Variants in TAF4 observed in about 807,000 individuals in gnomAD.
TAF4 encodes transcription initiation factor TFIID subunit 4.
In TAF4, 9 loss-of-function variants were observed where a neutral mutation model predicts 90.3. The observed-to-expected ratio is 0.10, with a 90% confidence interval of 0.06 to 0.17. The LOEUF (loss-of-function observed/expected upper bound fraction) is 0.17, where lower values mean the gene tolerates loss of function less well. Ranked by LOEUF, TAF4 falls within the 10% of genes least tolerant of loss-of-function variation. The pLI is 1.00. For synonymous variants in TAF4, 818 were observed against 638.9 expected (o/e 1.28, Z -4.23); for missense variants, 1,351 against 1,370.7 (o/e 0.99, Z 0.23).
Position 62,064,986 on chromosome 20 carries a change from GGGGGGTGGC to G in TAF4, c.816_824del (p.Pro273_Pro275del). On this transcript the variant is annotated inframe_deletion, in exon 1 of 15. Transcript: ENST00000252996. ...GCGGCCGGGCCAGAGTGGCGGGCGC[GGGGGGTGGC>G]GGGGGCGGGGCGGCGGCGGGGGCGG... 3.8e-6 allele frequency: 1 copy of G among 263,966 alleles called. No individual in the cohort carries two copies. The highest frequency in any genetic ancestry group is 5.5e-6 in the Non-Finnish European group (1 of 180,720). 16.4% of individuals were successfully genotyped at this position (263,966 alleles called of 1,614,324 possible).
chr20:61,978,764 C>G (rs988968056), intron 14 of TAF4, among the ~76,000 whole-genome samples: 7 of 152,080 alleles, frequency 4.6e-5, no homozygotes, highest in African/African-American at 1.2e-4. Flanking sequence ...CTGAGGCCAC[C>G]CCCAGGGCCC....
chr20:62,021,945 T>C (rs963308779), intron 1 of TAF4, among the ~76,000 whole-genome samples: 1 of 151,782 alleles, frequency 6.6e-6, no homozygotes, highest in African/African-American at 2.4e-5. Context: ...GCAGGGCAGG[T>C]CCAAAGCCCG....
At chr20:62,059,888 C>A (rs2056080006) in intron 1 of TAF4, among the ~76,000 whole-genome samples, 1 of 152,254 alleles carries the variant, frequency 6.6e-6, no homozygotes, top group Admixed American at 6.5e-5. Context: ...TTGATCAACT[C>A]ACTTACAACC....
intron 1 of TAF4, among the ~76,000 whole-genome samples, chr20:62,034,827 C>CTTTTTTTTTTT (rs1555877004): frequency 7.1e-6 from 1 of 141,810 alleles, no homozygotes; most frequent in African/African-American, 2.6e-5. Context: ...TCATAGATTT[C>CTTTTTTTTTTT]TTTTTTTTTT....
intron 1 of TAF4, among the ~76,000 whole-genome samples, chr20:62,023,550 C>T (rs2055855779): frequency 1.3e-5 from 2 of 152,156 alleles, no homozygotes; most frequent in South Asian, 2.1e-4. Flanking sequence ...GAGTTCGAGA[C>T]CAGCCTGGCC....
At chr20:61,978,646 C>T (rs1443047149) in intron 14 of TAF4, among the ~76,000 whole-genome samples, 15 of 113,488 alleles carry the variant, frequency 1.3e-4, no homozygotes, top group Admixed American at 1.2e-3. Context: ...GAACCAAGGC[C>T]GAGGGCGAGA....
intron 1 of TAF4, among the ~76,000 whole-genome samples, chr20:62,048,980 TC>T (rs1280463700): frequency 1.3e-5 from 1 of 75,784 alleles, no homozygotes; most frequent in Non-Finnish European, 2.6e-5. Context: ...CCGGGCTCCA[TC>T]CCCCCCTGGG....
chr20:62,012,962 C>T (rs775808368), intron 2 of TAF4, 28 bp from the exon 3 acceptor site: 23 of 1,610,548 alleles, frequency 1.4e-5, no homozygotes, highest in Admixed American at 8.5e-5. Context: ...TCACCTAAAA[C>T]GAGCGCAAGT....
At chr20:62,052,094 G>A (rs1442898804) in intron 1 of TAF4, among the ~76,000 whole-genome samples, 1 of 152,148 alleles carries the variant, frequency 6.6e-6, no homozygotes. Flanking sequence ...CCGCAGCACA[G>A]CATGGCCACC....
In TAF4 at chr20:62,014,590, G is replaced by A. The variant is rs2055802523; in HGVS notation, c.1478C>T (p.Ala493Val). 2 of 1,613,866 alleles carry A rather than the reference G, an allele frequency of 1.2e-6. No individual in the cohort carries two copies. Among genetic ancestry groups the A allele is most frequent in the Non-Finnish European group, 1.7e-6 (2 of 1,179,946 alleles). Residue 493 changes from alanine to valine, a missense_variant, in exon 2 of 15, where the codon GCC (alanine) becomes GTC (valine). Around this residue, in one of 9 missense-constraint regions of TAF4, gnomAD observed 143 missense variants for 176.3 expected, o/e 0.81. Transcript: ENST00000252996. The stretch of plus-strand genomic sequence containing the variant: ...GACGGGAGGGGCACTTGTGGGGGTG[G>A]CAGGGCGAGGCGCCATGGTGGTCTG... ...QPQTTMAPRP[A>V]TPTSAPPVQI...
intron 14 of TAF4, among the ~76,000 whole-genome samples, chr20:61,982,248 C>T (rs74217433): frequency 2.3e-3 from 323 of 141,778 alleles, no homozygotes; most frequent in Non-Finnish European, 3.2e-3. Flanking sequence ...AACACCAAAC[C>T]CACACCTACC....
At chr20:61,995,553 A>T (rs2055657965) in intron 14 of TAF4, among the ~76,000 whole-genome samples, 1 of 152,180 alleles carries the variant, frequency 6.6e-6, no homozygotes, top group African/African-American at 2.4e-5. Flanking sequence ...AGCAGAAGAA[A>T]GTAAGATTGA....
intron 9 of TAF4, 84 bp downstream of exon 9, chr20:62,003,076 G>C: frequency 8.3e-7 from 1 of 1,211,992 alleles, no homozygotes; most frequent in Non-Finnish European, 1.2e-6. Context: ...GGAAAGACCC[G>C]TGGGCGGGAA....
chr20:61,991,696 T>C (rs1229908105), intron 14 of TAF4, among the ~76,000 whole-genome samples: 3 of 150,242 alleles, frequency 2.0e-5, no homozygotes, highest in Non-Finnish European at 3.0e-5. Context: ...ACGTGGAAAA[T>C]GGGACTCTCT....
rs565237042 is a variant in TAF4 at position 62,000,107 on chromosome 20, G to T, written c.2787+17C>A. 1.9e-6 allele frequency: 3 copies of T among 1,614,114 alleles called. No homozygotes were observed. Among genetic ancestry groups the T allele is most frequent in the East Asian group, 2.2e-5 (1 of 44,878 alleles). ...CCAACAACATAAAGACGCTCTCCTC[G>T]GCAAACAGCCTGTTACCTTGTAAGA... is the stretch of plus-strand genomic sequence containing the variant. On this transcript the variant is annotated intron_variant, in intron 11 of 14. Coordinates refer to ENST00000252996, the MANE Select transcript of TAF4 (RefSeq NM_003185.4).
chr20:62,027,678 A>C (rs2055882324), intron 1 of TAF4, among the ~76,000 whole-genome samples: 1 of 152,230 alleles, frequency 6.6e-6, no homozygotes, highest in Non-Finnish European at 1.5e-5. Context: ...ACCTTGGCAA[A>C]TAATTAATTT....
rs1886009 is a variant in TAF4, at chr20:62,064,827, T to A, written c.984A>T (p.Gln328His). 1.1e-5 allele frequency: 11 copies of A among 976,980 alleles called. No homozygotes were observed. Among genetic ancestry groups the A allele is most frequent in the East Asian group, 1.2e-4 (1 of 8,366 alleles). 60.5% of individuals were successfully genotyped at this position (976,980 alleles called of 1,614,324 possible). A position where few individuals can be genotyped will look rare whatever the true frequency, so the allele number is the denominator to read the frequency against. Residue 328 changes from glutamine (Q) to histidine (H), a missense_variant, in exon 1 of 15, where the codon CAA becomes CAT. Around this residue, in one of 9 missense-constraint regions of TAF4, gnomAD observed 782 missense variants for 536.6 expected, o/e 1.46. Transcript: ENST00000252996. ...AAGGPAGVSG[Q>H]PGPGAAAAAP... ...CCGCAGCCGCCGCGCCGGGCCCGGG[T>A]TGGCCGCTGACCCCCGCGGGGCCCC...
At position 62,023,770 on chromosome 20, in the gene TAF4, AG is replaced by A. The variant is rs375676966; in HGVS notation, c.1361-9064del. ...CTCAAAAAAAAAAAAAAAAAAAAAA[AG>A]AAAGAAAGAAAGAAAAAGAAAGCTC... On this transcript the variant is annotated intron_variant, in intron 1 of 14. Transcript: ENST00000252996. Among the ~76,000 whole-genome samples, 327 of 114,840 alleles carry A rather than the reference AG, an allele frequency of 2.8e-3. 27 individuals carry two copies. Among genetic ancestry groups the A allele is most frequent in the Admixed American group, 3.7e-3 (35 of 9,394 alleles). The allele number at this position is 114,840 out of a possible 152,430, so 75.3% of individuals were successfully genotyped here. A position where few individuals can be genotyped will look rare whatever the true frequency, so the allele number is the denominator to read the frequency against.
intron 1 of TAF4, among the ~76,000 whole-genome samples, chr20:62,023,426 C>T (rs1040445028): frequency 6.7e-6 from 1 of 149,446 alleles, no homozygotes. Context: ...ATGAGACTCC[C>T]TCTCAAACCA....
Sources: allele counts gnomAD v4.1 joint callset (sites outside exome capture counted in the v4.1 genomes callset), GRCh38; gene constraint gnomAD v4.1.1; regional missense constraint gnomAD v4.1.1; transcripts MANE v1.5; gene names NCBI Gene and HGNC (gene_info 2026-07-23, HGNC 2026-07-21).